SMG1: variants seen among roughly 807,000 people sequenced by gnomAD.
SMG1 encodes serine/threonine-protein kinase SMG1.
A neutral mutation model predicts 419.9 loss-of-function variants in SMG1; 22 were observed. That is an observed-to-expected ratio of 0.05 (90% CI 0.04 to 0.07). The LOEUF is 0.07. SMG1 is among the 10% of genes least tolerant of loss of function. SMG1 has a pLI of 1.00. For synonymous variants in SMG1, 1,538 were observed against 1,553.5 expected (o/e 0.99, Z 0.23); for missense variants, 3,185 against 4,342.0 (o/e 0.73, Z 7.49).
chr16:18,821,215 ATGTTTC>A (rs1390948588), intron 55 of SMG1, among the ~76,000 whole-genome samples: 2 of 47,518 alleles, frequency 4.2e-5, no homozygotes, highest in African/African-American at 2.1e-4. Context: ...GATATTTAGT[ATGTTTC>A]TTTTTTTTTT....
At chr16:18,857,453 A>G (rs2034975778) in intron 29 of SMG1, 1 of 152,242 alleles carries the variant, frequency 6.6e-6, no homozygotes, top group African/African-American at 2.4e-5. Flanking sequence ...TTCATTAAAA[A>G]TGGGTGAAGA....
Position 18,817,340 on chromosome 16 carries a change from T to C in SMG1, c.10025A>G (p.Gln3342Arg), listed in dbSNP as rs372288884. Reference protein sequence around the residue: ...RCQQMCSFASQFNSSVSELEL... With the variant: ...RCQQMCSFASRFNSSVSELEL... Reference sequence around the variant, plus strand: ...TAACTCAGACACTGAACTGTTAAACTGTGATGCAAACGAACACATCTGCTG... The same window carrying C: ...TAACTCAGACACTGAACTGTTAAACCGTGATGCAAACGAACACATCTGCTG... The change falls in exon 57 of 63, where the codon CAG (glutamine) becomes CGG (arginine). Residue 3342 changes from glutamine to arginine, a missense_variant. Physicochemically the swap from Gln to Arg is conservative, Grantham distance 43 (BLOSUM62 1). This residue lies in a region of SMG1 where 737 missense variants were observed against 846.6 expected (regional missense o/e 0.87). Transcript: ENST00000446231. 4.5e-5 allele frequency: 73 copies of C among 1,612,744 alleles called. No individual in the cohort carries two copies. Among genetic ancestry groups the C allele is most frequent in the African/African-American group, 1.5e-4 (11 of 74,910 alleles).
chr16:18,816,311 A>T lies in SMG1; in HGVS notation c.10293T>A (p.Ala3431=), dbSNP rs180927655. ...ATGGTATTAGTCTTACCTTAGCCAT[A>T]GCTTTCAAGAGATGTTTGACATCTC... ...QLGDVKHLLK[A]MAKDEEAALA... Residue 3431 remains alanine, a synonymous_variant, in exon 58 of 63, where the codon GCT becomes GCA. Coordinates refer to ENST00000446231, the MANE Select transcript of SMG1 (RefSeq NM_015092.5). 4 of 1,613,356 alleles carry T rather than the reference A, an allele frequency of 2.5e-6. No individual in the cohort carries two copies. Among genetic ancestry groups the T allele is most frequent in the Non-Finnish European group, 3.4e-6 (4 of 1,179,544 alleles).
chr16:18,834,445 G>A lies in SMG1; in HGVS notation c.8331-7C>T, dbSNP rs1418928892. 1 of 1,610,500 alleles carries A rather than the reference G, an allele frequency of 6.2e-7. No homozygotes were observed. The highest frequency in any genetic ancestry group is 1.1e-5 in the South Asian group (1 of 90,476). ...TTCCATCATCAGGTTACGCCTACAA[G>A]AGATAAATATCTGTACAGTGAAACT... On this transcript the variant is annotated splice_polypyrimidine_tract_variant and splice_region_variant and intron_variant, in intron 49 of 62. Transcript: ENST00000446231.
chr16:18,812,186 G>A (rs1596452606), intron 60 of SMG1, 59 bp from the exon 61 acceptor site: 4 of 1,538,660 alleles, frequency 2.6e-6, no homozygotes, highest in South Asian at 1.2e-5. Flanking sequence ...AGGGGGCAGA[G>A]TGGAGCAAGC....
chr16:18,926,294 A>G lies in SMG1; in HGVS notation c.-253T>C. The stretch of plus-strand genomic sequence containing the variant: ...GGCGCGGTGAGAGAGAGGCGGATGA[A>G]GGGGAGGCGACGTCTTTTCCAGGGC... On this transcript the variant is annotated 5_prime_UTR_variant, in exon 1 of 63. Coordinates refer to ENST00000446231, the MANE Select transcript of SMG1 (RefSeq NM_015092.5). 1 of 472,768 alleles carries G rather than the reference A, an allele frequency of 2.1e-6. No individual in the cohort carries two copies. Among genetic ancestry groups the G allele is most frequent in the Non-Finnish European group, 3.7e-6 (1 of 268,784 alleles). The allele number at this position is 472,768 out of a possible 1,614,324, so 29.3% of individuals were successfully genotyped here. A position where few individuals can be genotyped will look rare whatever the true frequency, so the allele number is the denominator to read the frequency against.
intron 1 of SMG1, among the ~76,000 whole-genome samples, chr16:18,900,850 A>G (rs917849490): frequency 1.3e-5 from 2 of 152,178 alleles, no homozygotes; most frequent in African/African-American, 4.8e-5. Context: ...TACCCTTCAA[A>G]AATAAATTCA....
chr16:18,812,609 TAC>T (rs2031542294), intron 60 of SMG1, among the ~76,000 whole-genome samples: 1 of 125,906 alleles, frequency 7.9e-6, no homozygotes, highest in African/African-American at 3.0e-5. Flanking sequence ...CACATATATA[TAC>T]ATACACACAT....
At chr16:18,838,846 G>A (rs1315482077) in intron 42 of SMG1, among the ~76,000 whole-genome samples, 157 bp from the exon 43 acceptor site, 1 of 152,140 alleles carries the variant, frequency 6.6e-6, no homozygotes, top group Non-Finnish European at 1.5e-5. Flanking sequence ...GTTGCTGCAT[G>A]TGGTTATGCA....
At chr16:18,893,885 G>C (rs1414914310) in intron 3 of SMG1, among the ~76,000 whole-genome samples, 2 of 151,660 alleles carry the variant, frequency 1.3e-5, no homozygotes, top group African/African-American at 2.4e-5. Context: ...GTGGAACTTC[G>C]TCTCTACTGA....
rs1195353022 is a variant in SMG1, at chr16:18,882,429, T to C, written c.1120-91A>G. On this transcript the variant is annotated intron_variant, in intron 9 of 62. Transcript: ENST00000446231. ...CTAAAATATTTCAATCAATTCATTT[T>C]AGAATAGATTTTTAGGCTTTTAGAA... The C allele has an allele frequency of 8.6e-6, 6 of 699,370 alleles. No homozygotes were observed. In the East Asian group the frequency reaches 1.8e-4, roughly 21 times the overall value. The allele number at this position is 699,370 out of a possible 1,614,324, so 43.3% of individuals were successfully genotyped here.
At chr16:18,876,485 C>T (rs10852222) in intron 12 of SMG1, 92 bp from the exon 13 acceptor site, 185,861 of 1,367,726 alleles carry the variant, frequency 0.14, 12,806 homozygotes, top group African/African-American at 0.22. Flanking sequence ...TTAGTGCTGA[C>T]GATACAAATA....
intron 55 of SMG1, among the ~76,000 whole-genome samples, chr16:18,820,673 G>A (rs2032448642): frequency 6.6e-6 from 1 of 152,136 alleles, no homozygotes; most frequent in Non-Finnish European, 1.5e-5. Flanking sequence ...TCATAAAGAG[G>A]AAGAGTTCAT....
At position 18,868,513 on chromosome 16, in the gene SMG1, G is replaced by T; in HGVS notation, c.3030+10C>A. The T allele has an allele frequency of 6.5e-7, 1 of 1,527,010 alleles. No homozygotes were observed. The highest frequency in any genetic ancestry group is 2.2e-5 in the East Asian group (1 of 44,504). 94.6% of individuals were successfully genotyped at this position (1,527,010 alleles called of 1,614,324 possible). A position where few individuals can be genotyped will look rare whatever the true frequency, so the allele number is the denominator to read the frequency against. On this transcript the variant is annotated intron_variant, in intron 21 of 62. Transcript: ENST00000446231. ...CTGCTATAAAACAACACTATCTCAT[G>T]GAAACCAACCTTGGGAGGTGAAGTT...
At chr16:18,916,497 C>T (rs1424612250) in intron 1 of SMG1, among the ~76,000 whole-genome samples, 2 of 116,598 alleles carry the variant, frequency 1.7e-5, no homozygotes, top group East Asian at 2.7e-4. Context: ...GCGTGGGCGA[C>T]GGTGAGACTC....
rs545337534 is a variant in SMG1, at chr16:18,839,614, G to T, written c.6945+84C>A. 342 of 1,542,112 alleles carry T rather than the reference G, an allele frequency of 2.2e-4. No homozygotes were observed. The African/African-American group carries it at 4.2e-3, about 19-fold the overall frequency. The stretch of plus-strand genomic sequence containing the variant: ...AGTCTGGAGGGACAGAGGAAGGAAG[G>T]GAAGGAGGACAAACAAGATAGGCAA... On this transcript the variant is annotated intron_variant, in intron 42 of 62. Transcript: ENST00000446231.
chr16:18,903,156 A>G (rs879695546), intron 1 of SMG1, among the ~76,000 whole-genome samples: 2 of 152,176 alleles, frequency 1.3e-5, no homozygotes, highest in Non-Finnish European at 2.9e-5. Context: ...CATTTCTAGC[A>G]AACATGATAA....
chr16:18,910,995 T>C (rs2037771042), intron 1 of SMG1, among the ~76,000 whole-genome samples: 1 of 152,178 alleles, frequency 6.6e-6, no homozygotes, highest in Admixed American at 6.5e-5. Context: ...CTACCCTTTC[T>C]CTATATACAT....
Position 18,837,336 on chromosome 16 carries a change from T to C in SMG1, c.7521A>G (p.Lys2507=). ...SLQEQLTDVE[K]LQGKLLEEIE... ...TTTCCTCCAGTAGTTTGCCCTGCAG[T>C]TTTTCCACATCTGTCAGTTGCTCTT... is the stretch of plus-strand genomic sequence containing the variant. Residue 2507 remains lysine (K), a synonymous_variant, in exon 46 of 63, where the codon AAA becomes AAG. Coordinates refer to ENST00000446231, the MANE Select transcript of SMG1 (RefSeq NM_015092.5). The C allele has an allele frequency of 6.2e-7, 1 of 1,613,994 alleles. No homozygotes were observed. Among genetic ancestry groups the C allele is most frequent in the African/African-American group, 1.3e-5 (1 of 75,030 alleles).
Sources: gnomAD v4.1 joint callset for allele counts (sites outside exome capture counted in the v4.1 genomes callset) on GRCh38, gnomAD v4.1.1 for gene constraint, gnomAD v4.1.1 regional missense constraint, MANE v1.5 for transcripts, NCBI Gene and HGNC (gene_info 2026-07-23, HGNC 2026-07-21) for gene names.